EGFLAM: variants seen among roughly 807,000 people sequenced by gnomAD.
The protein encoded by EGFLAM is pikachurin.
In EGFLAM, 79 loss-of-function variants were observed where a neutral mutation model predicts 113.1. The observed-to-expected ratio is 0.70, with a 90% CI of 0.58 to 0.84. The LOEUF (loss-of-function observed/expected upper bound fraction) is 0.84, where lower values mean the gene tolerates loss of function less well. EGFLAM is among the 40% of genes least tolerant of loss of function. EGFLAM has a pLI of 0.00. For synonymous variants in EGFLAM, 504 were observed against 487.6 expected, an observed-to-expected ratio of 1.03 and a Z score of -0.44; for missense variants, 1,265 against 1,291.6, an observed-to-expected ratio of 0.98 and a Z score of 0.32.
intron 6 of EGFLAM, 53 bp from the exon 7 acceptor site, chr5:38,406,073 T>C (rs2112125347): frequency 7.1e-7 from 1 of 1,400,670 alleles, no homozygotes; most frequent in East Asian, 2.3e-5. Context: ...GGCTAGACAA[T>C]AGTGCAAAGA....
In EGFLAM at chr5:38,329,668, T is replaced by C. The variant is rs999464399; in HGVS notation, c.98-7852T>C. ...ATATTCGTGGTTCGTCCCCCAGTTC[T>C]TTGGGGAAGAGTATATGCTGCTCTC... On this transcript the variant is annotated intron_variant, in intron 1 of 21. Transcript: ENST00000322350. 4.6e-5 allele frequency among the ~76,000 whole-genome samples: 7 copies of C among 152,170 alleles called. No individual in the cohort carries two copies. The East Asian group carries it at 5.8e-4, about 13-fold the overall frequency.
At chr5:38,462,792 C>A in intron 20 of EGFLAM, 116 bp from the exon 21 acceptor site, 2 of 1,167,040 alleles carry the variant, frequency 1.7e-6, no homozygotes, top group Non-Finnish European at 1.2e-6. Flanking sequence ...CATCATTTAG[C>A]ACAGTACCTG....
intron 1 of EGFLAM, among the ~76,000 whole-genome samples, chr5:38,292,691 A>C (rs1020821116): frequency 1.3e-5 from 2 of 152,230 alleles, no homozygotes; most frequent in Admixed American, 6.5e-5. Context: ...CCTATCATGA[A>C]AATTTTGTAT....
intron 5 of EGFLAM, among the ~76,000 whole-genome samples, chr5:38,355,666 G>C (rs1429979003): frequency 1.3e-5 from 2 of 152,132 alleles, no homozygotes; most frequent in African/African-American, 4.8e-5. Flanking sequence ...AAAAGTATAA[G>C]GTATATGTGG....
At chr5:38,423,561 G>A (rs887208141) in intron 12 of EGFLAM, among the ~76,000 whole-genome samples, 4 of 152,194 alleles carry the variant, frequency 2.6e-5, no homozygotes, top group African/African-American at 9.6e-5. Flanking sequence ...GCTCTGGGAA[G>A]GAATCACAAC....
chr5:38,395,592 C>A (rs188477572), intron 6 of EGFLAM, among the ~76,000 whole-genome samples: 283 of 152,212 alleles, frequency 1.9e-3, no homozygotes, highest in Non-Finnish European at 3.2e-3. Flanking sequence ...AGAATTGAAC[C>A]ATGGTTGGTA....
chr5:38,451,261 C>A, intron 18 of EGFLAM, 54 bp from the exon 19 acceptor site: 2 of 1,588,226 alleles, frequency 1.3e-6, no homozygotes, highest in African/African-American at 1.3e-5. Context: ...TGGAATTACT[C>A]GGAAACAGAT....
At chr5:38,371,935 C>G (rs1441797799) in intron 6 of EGFLAM, among the ~76,000 whole-genome samples, 1 of 152,130 alleles carries the variant, frequency 6.6e-6, no homozygotes, top group Non-Finnish European at 1.5e-5. Context: ...TGCTGTGTCC[C>G]CATCCACCCT....
intron 17 of EGFLAM, among the ~76,000 whole-genome samples, chr5:38,444,491 T>C (rs991924148): frequency 2.0e-5 from 3 of 152,144 alleles, no homozygotes; most frequent in Non-Finnish European, 4.4e-5. Flanking sequence ...AAATGATACA[T>C]TTTGAGATGG....
intron 1 of EGFLAM, among the ~76,000 whole-genome samples, chr5:38,268,692 T>G (rs1362602192): frequency 6.6e-6 from 1 of 152,208 alleles, no homozygotes; most frequent in Admixed American, 6.5e-5. Flanking sequence ...ACAACCTGGT[T>G]GAAAAGCAAA....
At chr5:38,414,879 C>A (rs1741591762) in intron 11 of EGFLAM, among the ~76,000 whole-genome samples, 1 of 152,118 alleles carries the variant, frequency 6.6e-6, no homozygotes, top group Non-Finnish European at 1.5e-5. Flanking sequence ...TTCACCTAAT[C>A]ATACAAAGGG....
chr5:38,347,596 G>A (rs1207363513), intron 3 of EGFLAM, among the ~76,000 whole-genome samples: 1 of 152,112 alleles, frequency 6.6e-6, no homozygotes, highest in East Asian at 1.9e-4. Flanking sequence ...TTCATGTAGA[G>A]GGAGCAGCAG....
chr5:38,390,771 G>T (rs2112086326), intron 6 of EGFLAM, among the ~76,000 whole-genome samples: 1 of 152,086 alleles, frequency 6.6e-6, no homozygotes, highest in Non-Finnish European at 1.5e-5. Context: ...AATCTTATTA[G>T]TCATCCTATG....
intron 1 of EGFLAM, among the ~76,000 whole-genome samples, chr5:38,301,168 A>G (rs1758567730): frequency 6.6e-6 from 1 of 152,190 alleles, no homozygotes; most frequent in Non-Finnish European, 1.5e-5. Context: ...TGAGGTCACC[A>G]GGTGCTAAAA....
intron 1 of EGFLAM, among the ~76,000 whole-genome samples, chr5:38,269,833 T>A (rs1178541521): frequency 6.6e-6 from 1 of 152,226 alleles, no homozygotes; most frequent in Non-Finnish European, 1.5e-5. Context: ...TGATCTCATT[T>A]GATCTTTGCA....
intron 5 of EGFLAM, 26 bp from the exon 6 acceptor site, chr5:38,370,270 T>C: frequency 6.2e-7 from 1 of 1,605,102 alleles, no homozygotes; most frequent in Non-Finnish European, 8.5e-7. Flanking sequence ...GAACTACTGC[T>C]TCTTCTGTTT....
At chr5:38,460,480 G>A (rs1743235362) in intron 20 of EGFLAM, among the ~76,000 whole-genome samples, 1 of 152,218 alleles carries the variant, frequency 6.6e-6, no homozygotes, top group Admixed American at 6.5e-5. Context: ...GATTTCAGAT[G>A]TTTGGGAGGG....
At chr5:38,337,396 A>G (rs1353436226) in intron 1 of EGFLAM, 124 bp from the exon 2 acceptor site, 8 of 941,512 alleles carry the variant, frequency 8.5e-6, no homozygotes, top group African/African-American at 3.3e-5. Flanking sequence ...AATTGACTGC[A>G]TTTCTGGAAT....
At chr5:38,437,699 T>C (rs192949250) in intron 16 of EGFLAM, among the ~76,000 whole-genome samples, 123 of 152,284 alleles carry the variant, frequency 8.1e-4, no homozygotes, top group Admixed American at 1.4e-3. Context: ...ACTTTGTAGT[T>C]CTTGGGACTT....
Sources: gnomAD v4.1 joint callset for allele counts (sites outside exome capture counted in the v4.1 genomes callset) on GRCh38, gnomAD v4.1.1 for gene constraint, MANE v1.5 for transcripts, NCBI Gene and HGNC (gene_info 2026-07-23, HGNC 2026-07-21) for gene names.